Variants in THG1L observed in about 807,000 individuals in gnomAD.
THG1L encodes probable tRNA(His) guanylyltransferase.
THG1L carries 27 observed loss-of-function variants against 35.2 expected under a neutral mutation model. That is an observed-to-expected ratio of 0.77 (90% CI 0.57 to 1.06). The LOEUF is 1.06. THG1L is among the 50% of genes least tolerant of loss of function. The pLI is 0.00. For synonymous variants in THG1L, 135 were observed against 132.4 expected (o/e 1.02, Z -0.14); for missense variants, 377 against 371.8 (o/e 1.01, Z -0.12).
At chr5:157,735,245 C>G (rs761752517) in intron 3 of THG1L, among the ~76,000 whole-genome samples, 1 of 152,170 alleles carries the variant, frequency 6.6e-6, no homozygotes, top group African/African-American at 2.4e-5. Flanking sequence ...GCCGCCTTAT[C>G]TCTATTTTTT....
chr5:157,732,850 C>G lies in THG1L; in HGVS notation c.192-18C>G. 1 of 1,613,742 alleles carries G rather than the reference C, an allele frequency of 6.2e-7. No individual in the cohort carries two copies. The highest frequency in any genetic ancestry group is 1.3e-5 in the African/African-American group (1 of 75,040). On this transcript the variant is annotated intron_variant, in intron 1 of 5. Coordinates refer to ENST00000231198, the MANE Select transcript of THG1L (RefSeq NM_017872.5). ...ACAGGCTTCCATCCATGCTTTCTTC[C>G]CTTTTTCCCCTGTGAAGGTTTGCTG...
intron 3 of THG1L, 98 bp downstream of exon 3, chr5:157,734,843 A>C: frequency 7.4e-7 from 1 of 1,357,158 alleles, no homozygotes; most frequent in Non-Finnish European, 1.0e-6. Context: ...ACTTTGTTTC[A>C]ACATATACGT....
At chr5:157,732,812 C>CGTGTTGTTA in intron 1 of THG1L, 56 bp from the exon 2 acceptor site, 1 of 1,593,036 alleles carries the variant, frequency 6.3e-7, no homozygotes, top group African/African-American at 1.3e-5. Flanking sequence ...AGCAACAGAG[C>CGTGTTGTTA]GTGTTGTTAA....
chr5:157,738,697 T>A, intron 5 of THG1L: 1 of 421,334 alleles, frequency 2.4e-6, no homozygotes, highest in Non-Finnish European at 4.6e-6. Context: ...CATTTATTCT[T>A]TGGTACAGAC....
intron 1 of THG1L, among the ~76,000 whole-genome samples, chr5:157,732,215 C>CAAAAAAAAAAAAAAAAAAA (rs34744387): frequency 7.4e-5 from 4 of 53,902 alleles, no homozygotes; most frequent in African/African-American, 9.2e-5. Flanking sequence ...TCCGCCACTA[C>CAAAAAAAAAAAAAAAAAAA]AAAAAAAAAA....
chr5:157,738,286 C>T (rs1200416325), intron 5 of THG1L, among the ~76,000 whole-genome samples: 1 of 152,176 alleles, frequency 6.6e-6, no homozygotes, highest in African/African-American at 2.4e-5. Flanking sequence ...GGATACAGTA[C>T]AGATATGAGG....
intron 5 of THG1L, chr5:157,738,784 T>C (rs1023209191): frequency 4.5e-5 from 13 of 290,272 alleles, no homozygotes; most frequent in Non-Finnish European, 7.3e-5. Context: ...GAACATGGAA[T>C]CCTTTCTTTG....
At position 157,739,382 on chromosome 5, in the gene THG1L, C is replaced by T. The variant is rs542340446; in HGVS notation, c.797C>T (p.Ala266Val). ...LPTEMEGKKM[A>V]VTRTRTKPVP... is the part of the protein sequence containing the mutation. Reference sequence around the variant, plus strand: ...ACAGAAATGGAAGGAAAAAAGATGGCAGTGACCCGGACCAGGACAAAGCCA... The same window carrying T: ...ACAGAAATGGAAGGAAAAAAGATGGTAGTGACCCGGACCAGGACAAAGCCA... The change falls in exon 6 of 6, where the codon GCA (alanine) becomes GTA (valine). Residue 266 changes from alanine (A) to valine (V), a missense_variant. Physicochemically the swap from Ala to Val is moderately conservative, Grantham distance 64. Coordinates refer to ENST00000231198, the MANE Select transcript of THG1L (RefSeq NM_017872.5). 19 of 1,613,614 alleles carry T rather than the reference C, an allele frequency of 1.2e-5. No homozygotes were observed. The highest frequency in any genetic ancestry group is 1.5e-5 in the Non-Finnish European group (18 of 1,179,824).
Position 157,731,630 on chromosome 5 carries a change from C to T in THG1L, c.190C>T (p.Arg64Trp). 1 of 1,594,204 alleles carries T rather than the reference C, an allele frequency of 6.3e-7. No individual in the cohort carries two copies. Among genetic ancestry groups the T allele is most frequent in the Non-Finnish European group, 8.6e-7 (1 of 1,168,042 alleles). Residue 64 changes from arginine to tryptophan, a missense_variant and splice_region_variant, in exon 1 of 6, where the codon CGG becomes TGG. Transcript: ENST00000231198. ...VVRLDGRNFH[R>W]FAEKHNFAKP... Reference sequence around the variant, plus strand: ...GCGGCTGGACGGCCGGAATTTCCATCGGTGAGCGAGCTCGACTCGGGGCGT... The same window carrying T: ...GCGGCTGGACGGCCGGAATTTCCATTGGTGAGCGAGCTCGACTCGGGGCGT...
Position 157,731,462 on chromosome 5 carries a change from A to G in THG1L, c.22A>G (p.Lys8Glu), listed in dbSNP as rs1760712102. MWGACKV[K>E]VHDSLATISI... ...TAGAATGTGGGGCGCCTGTAAAGTT[A>G]AGGTTCACGATTCCTTGGCCACCAT... Residue 8 changes from lysine (K) to glutamate (E), a missense_variant, in exon 1 of 6, where the codon AAG (lysine) becomes GAG (glutamate). Coordinates refer to ENST00000231198, the MANE Select transcript of THG1L (RefSeq NM_017872.5). The G allele has an allele frequency of 6.2e-7, 1 of 1,604,888 alleles. No individual in the cohort carries two copies. Among genetic ancestry groups the G allele is most frequent in the Non-Finnish European group, 8.5e-7 (1 of 1,175,096 alleles).
chr5:157,731,866 G>C (rs1169696185), intron 1 of THG1L, among the ~76,000 whole-genome samples: 1 of 152,234 alleles, frequency 6.6e-6, no homozygotes, highest in African/African-American at 2.4e-5. Flanking sequence ...GATCTGGCTT[G>C]GAGTGCCCGT....
intron 4 of THG1L, among the ~76,000 whole-genome samples, chr5:157,737,472 G>C (rs1483660640): frequency 6.6e-6 from 1 of 151,192 alleles, no homozygotes; most frequent in Non-Finnish European, 1.5e-5. Flanking sequence ...AACAGAGTGA[G>C]ACTTTGTCTA....
intron 4 of THG1L, among the ~76,000 whole-genome samples, chr5:157,736,251 CT>C (rs71577334): frequency 3.2e-3 from 447 of 141,356 alleles, no homozygotes; most frequent in African/African-American, 7.0e-3. Context: ...TCAGCACTGA[CT>C]TTTTTTTTTT....
At chr5:157,732,243 AAGAGAGAG>A (rs1289202010) in intron 1 of THG1L, among the ~76,000 whole-genome samples, 1 of 90,482 alleles carries the variant, frequency 1.1e-5, no homozygotes, top group African/African-American at 4.6e-5. Context: ...AAAAAAAAAA[AAGAGAGAG>A]AGAGAGAGAA....
chr5:157,739,527 C>T lies in THG1L; in HGVS notation c.*45C>T. ...TGGTGTGCTTAACCATGCAAGCCCTCCCACCTCCCAGGGCTCCTTGCCTTA... is the reference window on the plus strand; with the variant it reads ...TGGTGTGCTTAACCATGCAAGCCCTTCCACCTCCCAGGGCTCCTTGCCTTA... On this transcript the variant is annotated 3_prime_UTR_variant, in exon 6 of 6. Coordinates refer to ENST00000231198, the MANE Select transcript of THG1L (RefSeq NM_017872.5). 6.3e-7 allele frequency: 1 copy of T among 1,577,056 alleles called. No individual in the cohort carries two copies. The highest frequency in any genetic ancestry group is 8.6e-7 in the Non-Finnish European group (1 of 1,160,078).
At position 157,739,369 on chromosome 5, in the gene THG1L, G is replaced by C; in HGVS notation, c.784G>C (p.Gly262Arg). 1 of 1,613,718 alleles carries C rather than the reference G, an allele frequency of 6.2e-7. No individual in the cohort carries two copies. The highest frequency in any genetic ancestry group is 8.5e-7 in the Non-Finnish European group (1 of 1,179,804). ...AATTAAGCTGCCAACAGAAATGGAA[G>C]GAAAAAAGATGGCAGTGACCCGGAC... Reference protein sequence around the residue: ...KEIKLPTEMEGKKMAVTRTRT... With the variant: ...KEIKLPTEMERKKMAVTRTRT... Residue 262 changes from glycine to arginine, a missense_variant, in exon 6 of 6, where the codon GGA (glycine) becomes CGA (arginine). Coordinates refer to ENST00000231198, the MANE Select transcript of THG1L (RefSeq NM_017872.5).
Position 157,731,708 on chromosome 5 carries a change from C to T in THG1L, c.191+77C>T, listed in dbSNP as rs76566501. ...CCAGCTTCTTCCCTTGCAAGTCCTC[C>T]CGCCCGCTCCAGTCACGGTTACCAG... On this transcript the variant is annotated intron_variant, in intron 1 of 5. Transcript: ENST00000231198. The T allele has an allele frequency of 4.7e-3, 7,068 of 1,506,194 alleles. 30 individuals carry two copies. Among genetic ancestry groups the T allele is most frequent in the Non-Finnish European group, 5.5e-3 (6,165 of 1,119,728 alleles). The allele number at this position is 1,506,194 out of a possible 1,614,324, so 93.3% of individuals were successfully genotyped here.
At chr5:157,733,101 C>T (rs2113031866) in intron 2 of THG1L, 57 bp downstream of exon 2, 2 of 1,593,242 alleles carry the variant, frequency 1.3e-6, no homozygotes, top group Middle Eastern at 1.7e-4. Context: ...ATCTGGTTTT[C>T]TGTTTATCTT....
At position 157,731,750 on chromosome 5, in the gene THG1L, A is replaced by G. The variant is rs1207050035; in HGVS notation, c.191+119A>G. The G allele has an allele frequency of 3.1e-6, 4 of 1,273,854 alleles. No individual in the cohort carries two copies. The Admixed American group carries it at 6.8e-5, about 22-fold the overall frequency. The allele number at this position is 1,273,854 out of a possible 1,614,324, so 78.9% of individuals were successfully genotyped here. On this transcript the variant is annotated intron_variant, in intron 1 of 5. Transcript: ENST00000231198. ...GGTTACCAGGGTAACGCGGTAGCCA[A>G]TGAGTGCGCAGCATGGAGCATTGCC... is the stretch of plus-strand genomic sequence containing the variant.
Sources: allele counts gnomAD v4.1 joint callset (sites outside exome capture counted in the v4.1 genomes callset), GRCh38; gene constraint gnomAD v4.1.1; transcripts MANE v1.5; gene names NCBI Gene and HGNC (gene_info 2026-07-23, HGNC 2026-07-21).